GTF2IRD1: variants seen among roughly 807,000 people sequenced by gnomAD.
The protein encoded by GTF2IRD1 is GTF2I repeat domain containing 1, also known as general transcription factor II-I repeat domain-containing protein 1.
A neutral mutation model predicts 113.2 loss-of-function variants in GTF2IRD1; 26 were observed. The ratio of observed to expected loss-of-function variants is 0.23; its 90% CI spans 0.17 to 0.32. The LOEUF (loss-of-function observed/expected upper bound fraction) is 0.32, where lower values mean the gene tolerates loss of function less well. Among genes scored for constraint, GTF2IRD1 ranks in the 10% least tolerant of loss-of-function variants. The pLI is 1.00. For synonymous variants in GTF2IRD1, 484 were observed against 529.1 expected (o/e 0.91, Z 1.17); for missense variants, 864 against 1,280.8 (o/e 0.67, Z 4.97).
At chr7:74,559,494 T>C (rs1378603910) in intron 21 of GTF2IRD1, 133 bp from the exon 22 acceptor site, 2 of 731,144 alleles carry the variant, frequency 2.7e-6, no homozygotes, top group African/African-American at 3.6e-5. Flanking sequence ...CCAGGGCAGC[T>C]TGTTAAAATG....
chr7:74,538,051 G>T (rs1798406057), intron 11 of GTF2IRD1, 85 bp from the exon 12 acceptor site: 3 of 1,369,772 alleles, frequency 2.2e-6, no homozygotes, highest in Admixed American at 3.4e-5. Flanking sequence ...GCCCGCGGTG[G>T]GCCCTGACTG....
At chr7:74,559,084 G>A in intron 21 of GTF2IRD1, 40 bp downstream of exon 21, 1 of 1,558,288 alleles carries the variant, frequency 6.4e-7, no homozygotes, top group Non-Finnish European at 8.8e-7. Context: ...GGCAGGACTA[G>A]CTCAGATGGG....
intron 5 of GTF2IRD1, among the ~76,000 whole-genome samples, chr7:74,519,050 G>C (rs1554345276): frequency 6.6e-6 from 1 of 152,232 alleles, no homozygotes; most frequent in Non-Finnish European, 1.5e-5. Context: ...AAGGCAGCCT[G>C]AGGGCTTAAG....
chr7:74,526,649 C>T (rs978621073), intron 8 of GTF2IRD1, among the ~76,000 whole-genome samples: 30 of 152,182 alleles, frequency 2.0e-4, no homozygotes, highest in African/African-American at 6.5e-4. Context: ...CAGCAGGGTT[C>T]GGGGGTTGGC....
At chr7:74,575,138 T>TG (rs1800960508) in intron 22 of GTF2IRD1, among the ~76,000 whole-genome samples, 1 of 152,088 alleles carries the variant, frequency 6.6e-6, no homozygotes, top group Non-Finnish European at 1.5e-5. Flanking sequence ...GCCTACATGG[T>TG]GGGGCGGGGG....
intron 3 of GTF2IRD1, 40 bp from the exon 4 acceptor site, chr7:74,515,401 C>A (rs377617127): frequency 1.3e-6 from 2 of 1,552,700 alleles, no homozygotes; most frequent in African/African-American, 2.7e-5. Context: ...GGTGGTGAGA[C>A]GGGTGCTCAC....
In GTF2IRD1 at chr7:74,535,141, A is replaced by G. The variant is rs1798217462; in HGVS notation, c.1300+3A>G. 7 of 1,611,224 alleles carry G rather than the reference A, an allele frequency of 4.3e-6. No homozygotes were observed. Among genetic ancestry groups the G allele is most frequent in the Non-Finnish European group, 5.9e-6 (7 of 1,177,582 alleles). ...GTTTGATGAGCGAATTTTCACAGGT[A>G]TGTGGGGACCATCTAGTCCATTCTG... On this transcript the variant is annotated splice_donor_region_variant and intron_variant, in intron 10 of 26. Transcript: ENST00000424337.
intron 22 of GTF2IRD1, among the ~76,000 whole-genome samples, chr7:74,573,105 C>T (rs1484347278): frequency 1.3e-5 from 2 of 152,086 alleles, no homozygotes; most frequent in African/African-American, 2.4e-5. Context: ...GGTTTTTAGC[C>T]TTTATTAGAT....
At chr7:74,577,681 T>C (rs587736905) in intron 22 of GTF2IRD1, among the ~76,000 whole-genome samples, 2 of 151,898 alleles carry the variant, frequency 1.3e-5, no homozygotes, top group African/African-American at 4.8e-5. Flanking sequence ...TTAAAGACAG[T>C]CTCCCTCTTG....
At chr7:74,536,676 C>T (rs1369133423) in intron 11 of GTF2IRD1, among the ~76,000 whole-genome samples, 1 of 151,812 alleles carries the variant, frequency 6.6e-6, no homozygotes, top group Admixed American at 6.6e-5. Context: ...TGTGGTGGTG[C>T]GCATGTGTAA....
chr7:74,538,192 C>T lies in GTF2IRD1; in HGVS notation c.1447+19C>T, dbSNP rs781985803. ...GGGCCAGGTGAGAAGGAACAGGGCC[C>T]GCTGTGTGTGTGGTGGGCCGGGAGG... is the stretch of plus-strand genomic sequence containing the variant. On this transcript the variant is annotated intron_variant, in intron 12 of 26. Transcript: ENST00000424337. 4.0e-5 allele frequency: 64 copies of T among 1,611,742 alleles called. 1 individual carries two copies. The Admixed American group carries it at 4.2e-4, about 10-fold the overall frequency.
At chr7:74,487,042 C>G (rs538167004) in intron 1 of GTF2IRD1, among the ~76,000 whole-genome samples, 1 of 152,206 alleles carries the variant, frequency 6.6e-6, no homozygotes, top group East Asian at 1.9e-4. Flanking sequence ...GATAACTTTT[C>G]TTTTCTTTTT....
At chr7:74,476,087 G>A (rs1794388655) in intron 1 of GTF2IRD1, among the ~76,000 whole-genome samples, 1 of 152,176 alleles carries the variant, frequency 6.6e-6, no homozygotes, top group Admixed American at 6.6e-5. Context: ...GCCTGGTGGT[G>A]GTGAGGGATG....
intron 1 of GTF2IRD1, among the ~76,000 whole-genome samples, chr7:74,464,268 C>T (rs544181927): frequency 1.3e-5 from 2 of 152,270 alleles, no homozygotes; most frequent in Admixed American, 6.5e-5. Context: ...ACAGGTTTGC[C>T]AGGTGGGCAT....
At chr7:74,562,555 CTTT>C (rs1167468655) in intron 22 of GTF2IRD1, among the ~76,000 whole-genome samples, 7 of 62,704 alleles carry the variant, frequency 1.1e-4, no homozygotes, top group African/African-American at 3.2e-4. Flanking sequence ...CAATTGCCCT[CTTT>C]TTTTTTTTTT....
intron 15 of GTF2IRD1, 60 bp downstream of exon 15, chr7:74,544,862 G>GCC (rs1798835720): frequency 7.4e-7 from 1 of 1,360,358 alleles, no homozygotes; most frequent in African/African-American, 1.4e-5. Context: ...CTCTTCCCCT[G>GCC]CCGCCCACCT....
At chr7:74,498,278 C>T (rs532790671) in intron 1 of GTF2IRD1, among the ~76,000 whole-genome samples, 2 of 152,302 alleles carry the variant, frequency 1.3e-5, no homozygotes, top group East Asian at 1.9e-4. Flanking sequence ...GCTGGGATTA[C>T]AGGCATGAAC....
chr7:74,566,840 A>G (rs1287348686), intron 22 of GTF2IRD1, among the ~76,000 whole-genome samples: 5 of 152,112 alleles, frequency 3.3e-5, no homozygotes, highest in African/African-American at 1.2e-4. Context: ...AGGCTCTACC[A>G]CTAGCCTAGG....
intron 1 of GTF2IRD1, 88 bp downstream of exon 1, chr7:74,454,264 G>T (rs1325722611): frequency 1.3e-5 from 2 of 151,290 alleles, no homozygotes; most frequent in Non-Finnish European, 3.0e-5. Context: ...GCCTCCGGGG[G>T]GGGGGGTCCC....
Sources: gnomAD v4.1 joint callset for allele counts (sites outside exome capture counted in the v4.1 genomes callset) on GRCh38, gnomAD v4.1.1 for gene constraint, MANE v1.5 for transcripts, NCBI Gene and HGNC (gene_info 2026-07-23, HGNC 2026-07-21) for gene names.